MARK3: variants seen among roughly 807,000 people sequenced by gnomAD.
MARK3 encodes MAP/microtubule affinity-regulating kinase 3.
Under a neutral mutation model 90.1 loss-of-function variants are expected in MARK3, and 46 were observed. That is an observed-to-expected ratio of 0.51 (90% CI 0.40 to 0.65). The LOEUF is 0.65. Among genes scored for constraint, MARK3 ranks in the 30% least tolerant of loss-of-function variants. The probability of loss-of-function intolerance (pLI) is 0.00; values close to 1 mark genes in which losing one functional copy is unlikely to be tolerated. For synonymous variants in MARK3, 321 were observed against 332.6 expected (o/e 0.97, Z 0.38); for missense variants, 818 against 947.2 (o/e 0.86, Z 1.79).
At chr14:103,466,542 A>G (rs2093506344) in intron 10 of MARK3, 100 bp downstream of exon 10, 6 of 766,568 alleles carry the variant, frequency 7.8e-6, no homozygotes. Context: ...TGGAAAGTTA[A>G]GCACAAGTCA....
chr14:103,483,537 T>A (rs2093865124), intron 14 of MARK3, among the ~76,000 whole-genome samples: 1 of 152,236 alleles, frequency 6.6e-6, no homozygotes, highest in African/African-American at 2.4e-5. Context: ...TTATTTTTTC[T>A]TTTGAAAATT....
intron 1 of MARK3, among the ~76,000 whole-genome samples, chr14:103,393,981 G>C (rs1253114843): frequency 6.6e-6 from 1 of 152,048 alleles, no homozygotes; most frequent in Non-Finnish European, 1.5e-5. Context: ...TTATCCGCCT[G>C]CCTTGGCCTC....
intron 1 of MARK3, among the ~76,000 whole-genome samples, chr14:103,392,143 G>A (rs767082968): frequency 2.6e-5 from 4 of 152,138 alleles, no homozygotes; most frequent in Non-Finnish European, 4.4e-5. Context: ...CTGTGAAACT[G>A]ATGATGCTGT....
chr14:103,462,313 G>A, intron 6 of MARK3, 92 bp from the exon 7 acceptor site: 1 of 851,210 alleles, frequency 1.2e-6, no homozygotes, highest in Non-Finnish European at 1.9e-6. Flanking sequence ...CGTATACTGA[G>A]TATTCATTAT....
At chr14:103,453,122 T>C (rs2093193829) in intron 5 of MARK3, among the ~76,000 whole-genome samples, 1 of 152,246 alleles carries the variant, frequency 6.6e-6, no homozygotes, top group African/African-American at 2.4e-5. Context: ...GCCTATGGTT[T>C]TGTAAAAATG....
chr14:103,480,527 T>C (rs755162251), intron 14 of MARK3, 37 bp downstream of exon 14: 2 of 1,315,150 alleles, frequency 1.5e-6, no homozygotes, highest in Non-Finnish European at 1.1e-6. Flanking sequence ...AAAGTTGTTT[T>C]TCCCAAGAGA....
chr14:103,454,483 C>T (rs1204286457), intron 5 of MARK3, among the ~76,000 whole-genome samples: 1 of 152,144 alleles, frequency 6.6e-6, no homozygotes, highest in Non-Finnish European at 1.5e-5. Context: ...CTCCTGACCT[C>T]AAGTGATCCA....
At chr14:103,389,721 A>G (rs1327979448) in intron 1 of MARK3, among the ~76,000 whole-genome samples, 1 of 151,502 alleles carries the variant, frequency 6.6e-6, no homozygotes, top group Non-Finnish European at 1.5e-5. Context: ...GGGCAGGTGG[A>G]TCACCTGAGG....
At chr14:103,466,469 T>C in intron 10 of MARK3, 27 bp downstream of exon 10, 3 of 1,445,962 alleles carry the variant, frequency 2.1e-6, no homozygotes, top group Non-Finnish European at 2.9e-6. Context: ...TGCATGTTCA[T>C]GTGTTTTTGT....
At chr14:103,489,006 T>TAA (rs1296701775) in intron 14 of MARK3, among the ~76,000 whole-genome samples, 2 of 152,222 alleles carry the variant, frequency 1.3e-5, no homozygotes, top group Non-Finnish European at 2.9e-5. Flanking sequence ...GCTTTCTGCT[T>TAA]ACACTGGTGG....
rs556114263 is a variant in MARK3, at chr14:103,427,055, C to G, written c.244-1332C>G. On this transcript the variant is annotated intron_variant, in intron 2 of 17. Transcript: ENST00000429436. Reference sequence around the variant, plus strand: ...GAAGTGCTTTCTGTGTATAATCTCTCTCTCTCTCTCTTTTTTTCTTGGTTT... The same window carrying G: ...GAAGTGCTTTCTGTGTATAATCTCTGTCTCTCTCTCTTTTTTTCTTGGTTT... 1.4e-4 allele frequency among the ~76,000 whole-genome samples: 21 copies of G among 152,048 alleles called. No homozygotes were observed. In the South Asian group the frequency reaches 4.4e-3, roughly 32 times the overall value.
chr14:103,412,711 G>A, intron 2 of MARK3: 1 of 611,358 alleles, frequency 1.6e-6, no homozygotes, highest in South Asian at 1.5e-5. Flanking sequence ...TCCCGTGCAG[G>A]ACTTCCTGCA....
At chr14:103,460,054 A>G (rs2093363654) in intron 6 of MARK3, among the ~76,000 whole-genome samples, 2 of 135,744 alleles carry the variant, frequency 1.5e-5, no homozygotes, top group South Asian at 5.3e-4. Context: ...CAAGAAAAAG[A>G]ATAGATTTCC....
chr14:103,425,097 T>A (rs911362056), intron 2 of MARK3, among the ~76,000 whole-genome samples: 1 of 151,770 alleles, frequency 6.6e-6, no homozygotes, highest in African/African-American at 2.4e-5. Context: ...CATGCCACCA[T>A]GCCCAGCTAA....
At chr14:103,415,714 C>T (rs1394455513) in intron 2 of MARK3, among the ~76,000 whole-genome samples, 4 of 152,190 alleles carry the variant, frequency 2.6e-5, no homozygotes, top group Non-Finnish European at 4.4e-5. Flanking sequence ...GTCATTTGTA[C>T]TTTATTGGAG....
chr14:103,429,023 T>A (rs551412532), intron 3 of MARK3, among the ~76,000 whole-genome samples: 116 of 152,370 alleles, frequency 7.6e-4, no homozygotes, highest in African/African-American at 2.5e-3. Flanking sequence ...CTGGGCAGAT[T>A]TTTGAAAGTC....
intron 14 of MARK3, chr14:103,489,985 T>C (rs2093989724): frequency 6.6e-6 from 1 of 152,240 alleles, no homozygotes; most frequent in Non-Finnish European, 1.5e-5. Context: ...TTGGAGTAAA[T>C]GTCCTTTGAT....
intron 1 of MARK3, among the ~76,000 whole-genome samples, chr14:103,395,528 G>A (rs1159242206): frequency 6.6e-6 from 1 of 152,066 alleles, no homozygotes; most frequent in Non-Finnish European, 1.5e-5. Context: ...TTGTCATCCT[G>A]AGATCTCCCT....
chr14:103,392,786 A>G (rs1357155017), intron 1 of MARK3, among the ~76,000 whole-genome samples: 1 of 151,332 alleles, frequency 6.6e-6, no homozygotes, highest in African/African-American at 2.4e-5. Context: ...AAAATATGTA[A>G]TATGGTTTTA....
Sources: allele counts gnomAD v4.1 joint callset (sites outside exome capture counted in the v4.1 genomes callset), GRCh38; gene constraint gnomAD v4.1.1; transcripts MANE v1.5; gene names NCBI Gene and HGNC (gene_info 2026-07-23, HGNC 2026-07-21).